NKAIN4: variants seen among roughly 807,000 people sequenced by gnomAD.
NKAIN4 encodes sodium/potassium-transporting ATPase subunit beta-1-interacting protein 4.
NKAIN4 carries 28 observed loss-of-function variants against 28.8 expected under a neutral mutation model. That is an observed-to-expected ratio of 0.97 (90% CI 0.72 to 1.33). The LOEUF (loss-of-function observed/expected upper bound fraction) is 1.33, where lower values mean the gene tolerates loss of function less well. NKAIN4 is among the 40% of genes most tolerant of loss of function. NKAIN4 has a pLI of 0.00. For missense variants in NKAIN4, 289 were observed against 277.2 expected (o/e 1.04, Z -0.30); for synonymous variants, 122 against 115.6 (o/e 1.06, Z -0.36).
Position 63,254,435 on chromosome 20 carries a change from CGGAGCA to C in NKAIN4, c.10_15del (p.Cys4_Ser5del). The C allele has an allele frequency of 7.0e-7, 1 of 1,430,130 alleles. No homozygotes were observed. The highest frequency in any genetic ancestry group is 1.4e-5 in the South Asian group (1 of 71,432). 88.6% of individuals were successfully genotyped at this position (1,430,130 alleles called of 1,614,324 possible). ...CAGAGGACGACGAGCGCGCAGCGGC[CGGAGCA>C]GGAGCCCATGGTGCCCGCCTATACA... On this transcript the variant is annotated inframe_deletion, in exon 1 of 7. Transcript: ENST00000370316.
chr20:63,242,405 G>GTGGATGGA lies in NKAIN4; in HGVS notation c.617+126_617+133dup, dbSNP rs564396190. The GTGGATGGA allele has an allele frequency of 1.5e-5, 11 of 727,900 alleles. No individual in the cohort carries two copies. In the African/African-American group the frequency reaches 1.9e-4, roughly 13 times the overall value. 45.1% of individuals were successfully genotyped at this position (727,900 alleles called of 1,614,324 possible). A position where few individuals can be genotyped will look rare whatever the true frequency, so the allele number is the denominator to read the frequency against. ...TGAAGCAGATGTTAGAAAAGTGAGA[G>GTGGATGGA]TGGATGGATGGACGGATGGATGGCA... On this transcript the variant is annotated intron_variant, in intron 6 of 6. Coordinates refer to ENST00000370316, the MANE Select transcript of NKAIN4 (RefSeq NM_152864.4).
chr20:63,247,308 T>A, intron 4 of NKAIN4: 1 of 1,397,952 alleles, frequency 7.2e-7, no homozygotes. Context: ...TCCTTCCCAC[T>A]CCCCACAGCA....
rs915682733 is a variant in NKAIN4 at position 63,253,366 on chromosome 20, CCGT to C, written c.54+1028_54+1030del. 1.6e-5 allele frequency: 16 copies of C among 985,436 alleles called. No homozygotes were observed. The African/African-American group carries it at 2.8e-4, about 17-fold the overall frequency. The allele number at this position is 985,436 out of a possible 1,614,324, so 61.0% of individuals were successfully genotyped here. Reference sequence around the variant, plus strand: ...CTGCAGGAAGGACACGATGCCTCCGCCGTCCCTAGGTCCGCCCGCAAGCCTGTG... The same window carrying C: ...CTGCAGGAAGGACACGATGCCTCCGCCCCTAGGTCCGCCCGCAAGCCTGTG... On this transcript the variant is annotated intron_variant, in intron 1 of 6. Transcript: ENST00000370316.
chr20:63,247,672 G>A lies in NKAIN4; in HGVS notation c.377C>T (p.Ala126Val), dbSNP rs566900551. Residue 126 changes from alanine to valine, a missense_variant, in exon 4 of 7, where the codon GCC (alanine) becomes GTC (valine). By Grantham distance (64) the Ala-to-Val change is moderately conservative. Transcript: ENST00000370316. ...TGACACCAGGGCCTGGCCATGGGGG[G>A]CCCCGAGGCCCACTGCTGGCACCTC... Reference protein sequence around the residue: ...HEEVPAVGLGAPHGQALVSGA... With the variant: ...HEEVPAVGLGVPHGQALVSGA... 2.1e-5 allele frequency: 33 copies of A among 1,543,020 alleles called. No individual in the cohort carries two copies. In the South Asian group the frequency reaches 2.5e-4, roughly 12 times the overall value.
chr20:63,253,507 G>A, intron 1 of NKAIN4: 3 of 985,564 alleles, frequency 3.0e-6, no homozygotes, highest in South Asian at 4.7e-5. Flanking sequence ...AGAGGAGGAG[G>A]GGGGCGCGCG....
At chr20:63,248,723 C>A (rs749678776) in intron 3 of NKAIN4, 92 bp downstream of exon 3, 2 of 815,230 alleles carry the variant, frequency 2.5e-6, no homozygotes, top group African/African-American at 3.4e-5. Context: ...CTGCCTCAGA[C>A]GACAGATGAA....
intron 1 of NKAIN4, 151 bp downstream of exon 1, chr20:63,254,246 G>C: frequency 1.7e-6 from 1 of 578,566 alleles, no homozygotes; most frequent in South Asian, 4.1e-5. Context: ...ACCTTCGGCC[G>C]TAGCAGCCCG....
chr20:63,251,819 G>A (rs1006397817), intron 1 of NKAIN4, among the ~76,000 whole-genome samples: 6 of 151,952 alleles, frequency 3.9e-5, no homozygotes, highest in South Asian at 2.1e-4. Flanking sequence ...GGAACATCTC[G>A]TGCCCTTGGT....
At chr20:63,254,590 G>GC (rs2123148046), upstream of NKAIN4, 1 of 551,462 alleles carries the variant, frequency 1.8e-6, no homozygotes, top group Non-Finnish European at 2.6e-6. Flanking sequence ...CCCCGGCCCA[G>GC]CCCCAGCCCC....
Position 63,241,461 on chromosome 20 carries a change from T to A in NKAIN4, c.*36A>T. 3.2e-6 allele frequency: 5 copies of A among 1,550,132 alleles called. No homozygotes were observed. Among genetic ancestry groups the A allele is most frequent in the Non-Finnish European group, 4.4e-6 (5 of 1,146,742 alleles). Reference sequence around the variant, plus strand: ...ATTGTCACTGGTCGGTCGCTGAGGCTGGAGGCCACAGGAGCAGGATCAGCT... The same window carrying A: ...ATTGTCACTGGTCGGTCGCTGAGGCAGGAGGCCACAGGAGCAGGATCAGCT... On this transcript the variant is annotated 3_prime_UTR_variant, in exon 7 of 7. Coordinates refer to ENST00000370316, the MANE Select transcript of NKAIN4 (RefSeq NM_152864.4).
chr20:63,252,014 A>C lies in NKAIN4; in HGVS notation c.55-1942T>G, dbSNP rs1296324055. On this transcript the variant is annotated intron_variant, in intron 1 of 6. Coordinates refer to ENST00000370316, the MANE Select transcript of NKAIN4 (RefSeq NM_152864.4). This position sits in a 1 kb window ranked among gnomAD's most constrained non-coding sequence, Gnocchi z 4.6. ...CTGGCCCACTTTGCCTACGCCGGGC[A>C]CAGTTCTGTGAGGTCTGGGCTGGCG... Among the ~76,000 whole-genome samples the C allele has an allele frequency of 6.6e-6, 1 of 152,184 alleles. No homozygotes were observed. The highest frequency in any genetic ancestry group is 1.5e-5 in the Non-Finnish European group (1 of 68,036).
Position 63,247,731 on chromosome 20 carries a change from C to T in NKAIN4, c.318G>A (p.Trp106Ter). ...GACAGCCTGGCCAGCGCTCACGCCA[C>T]CAGGAGCGATGCCGGGAGAGGCTGA... The part of the protein sequence containing the change: ...LTFSLSRHRS[W>*]WRERWPGCLH... The change falls in exon 4 of 7, where the codon TGG becomes TGA. Residue 106 changes from tryptophan (W) to a stop codon, truncating the protein, a stop_gained. Transcript: ENST00000370316. LOFTEE classifies it high-confidence loss of function. 1 of 1,494,004 alleles carries T rather than the reference C, an allele frequency of 6.7e-7. No individual in the cohort carries two copies. 92.5% of individuals were successfully genotyped at this position (1,494,004 alleles called of 1,614,324 possible).
intron 4 of NKAIN4, among the ~76,000 whole-genome samples, chr20:63,246,201 T>G (rs2066854091): frequency 6.6e-6 from 1 of 152,178 alleles, no homozygotes; most frequent in South Asian, 2.1e-4. Context: ...GTGCTGGGAT[T>G]ACAGGTGTGA....
At chr20:63,254,526 C>T, upstream of NKAIN4, 1 of 1,113,298 alleles carries the variant, frequency 9.0e-7, no homozygotes, top group Non-Finnish European at 1.1e-6. Flanking sequence ...TCCCCACGCG[C>T]CGCAGCCTGG....
intron 2 of NKAIN4, chr20:63,249,242 C>G (rs1452549640): frequency 3.2e-6 from 1 of 312,332 alleles, no homozygotes; most frequent in African/African-American, 2.1e-5. Flanking sequence ...GCACAGGCCT[C>G]CACTGCAGAG....
At chr20:63,253,032 A>G (rs1176824185) in intron 1 of NKAIN4, among the ~76,000 whole-genome samples, 1 of 152,168 alleles carries the variant, frequency 6.6e-6, no homozygotes, top group Non-Finnish European at 1.5e-5. Flanking sequence ...CCTGACGCTC[A>G]TGCATCACCA....
chr20:63,253,613 C>T (rs2066999345), intron 1 of NKAIN4: 1 of 741,382 alleles, frequency 1.3e-6, no homozygotes, highest in Non-Finnish European at 1.6e-6. Flanking sequence ...CTTCCCCAGC[C>T]TGGACAGGCG....
chr20:63,247,219 T>G, intron 4 of NKAIN4: 1 of 1,192,256 alleles, frequency 8.4e-7, no homozygotes. Flanking sequence ...CACGCATGGA[T>G]GGGTTTGTCA....
intron 5 of NKAIN4, chr20:63,243,717 T>TC (rs1165227941): frequency 8.9e-5 from 23 of 258,720 alleles, no homozygotes; most frequent in Non-Finnish European, 1.4e-4. Context: ...ACCTGGGCAG[T>TC]CTGAGCTCAG....
Sources: allele counts gnomAD v4.1 joint callset (sites outside exome capture counted in the v4.1 genomes callset), GRCh38; gene constraint gnomAD v4.1.1; non-coding constraint Gnocchi (gnomAD v3.1); transcripts MANE v1.5; gene names NCBI Gene and HGNC (gene_info 2026-07-23, HGNC 2026-07-21).